RUNDC1: variants seen among roughly 807,000 people sequenced by gnomAD.
The protein encoded by RUNDC1 is RUN domain containing 1, also known as RUN domain-containing protein 1.
In RUNDC1, 31 loss-of-function variants were observed where a neutral mutation model predicts 49.3. That is an observed-to-expected ratio of 0.63 (90% CI 0.47 to 0.85). The LOEUF is 0.85. Among genes scored for constraint, RUNDC1 ranks in the 40% least tolerant of loss-of-function variants. RUNDC1 has a pLI of 0.00. For missense variants in RUNDC1, 715 were observed against 806.7 expected (o/e 0.89, Z 1.38); for synonymous variants, 347 against 348.6 (o/e 1.00, Z 0.05).
intron 1 of RUNDC1, 179 bp downstream of exon 1, chr17:42,981,253 C>T: frequency 1.3e-6 from 1 of 750,192 alleles, no homozygotes; most frequent in Non-Finnish European, 2.0e-6. Context: ...AGGACAGAGG[C>T]CTGGGAACCT....
Position 42,987,393 on chromosome 17 carries a change from C to T in RUNDC1, c.636C>T (p.Ser212=), listed in dbSNP as rs757378446. The part of the protein sequence containing the change: ...QEGSYDSLPQ[S]VVLERQRVII... Reference sequence around the variant, plus strand: ...GCAGTTATGACTCGCTGCCACAGTCCGTGGTGTTGGAAAGACAGCGGGTGA... The same window carrying T: ...GCAGTTATGACTCGCTGCCACAGTCTGTGGTGTTGGAAAGACAGCGGGTGA... The change falls in exon 2 of 5, where the codon TCC becomes TCT. Residue 212 remains serine, a synonymous_variant. Transcript: ENST00000361677. The T allele has an allele frequency of 1.7e-5, 27 of 1,614,130 alleles. No individual in the cohort carries two copies. Among genetic ancestry groups the T allele is most frequent in the Middle Eastern group, 1.6e-4 (1 of 6,062 alleles).
In RUNDC1 at chr17:42,992,110, G is replaced by T. The variant is rs1341088958; in HGVS notation, c.*394G>T. On this transcript the variant is annotated 3_prime_UTR_variant, in exon 5 of 5. Transcript: ENST00000361677. The stretch of plus-strand genomic sequence containing the variant: ...GGCACCTGTAGTCCCAGCTACTCGG[G>T]AGGCTGAGGCAGGAGAATGGCGTGA... 5.4e-6 allele frequency: 1 copy of T among 186,098 alleles called. No individual in the cohort carries two copies. The highest frequency in any genetic ancestry group is 1.5e-4 in the East Asian group (1 of 6,806). 11.5% of individuals were successfully genotyped at this position (186,098 alleles called of 1,614,324 possible).
Position 42,989,325 on chromosome 17 carries a change from C to G in RUNDC1, c.658-16C>G. On this transcript the variant is annotated splice_polypyrimidine_tract_variant and intron_variant, in intron 2 of 4. Transcript: ENST00000361677. ...AAAATTCCAAAGGGTGTGCTCATTG[C>G]TTGTGATCTTGGTAGGTGATCATAG... 1 of 1,607,194 alleles carries G rather than the reference C, an allele frequency of 6.2e-7. No homozygotes were observed. The highest frequency in any genetic ancestry group is 8.5e-7 in the Non-Finnish European group (1 of 1,174,532).
Position 42,980,801 on chromosome 17 carries a change from G to A in RUNDC1, c.225G>A (p.Ser75=), listed in dbSNP as rs1180272141. The change falls in exon 1 of 5, where the codon TCG becomes TCA. Residue 75 remains serine, a synonymous_variant. Transcript: ENST00000361677. ...PGAAPGSPPD[S]PGRTLRRLRA... The stretch of plus-strand genomic sequence containing the variant: ...CGGCCCCGGGCTCCCCGCCGGATTC[G>A]CCGGGCCGGACGCTGCGGCGGCTGC... 4 of 1,392,040 alleles carry A rather than the reference G, an allele frequency of 2.9e-6. No individual in the cohort carries two copies. The highest frequency in any genetic ancestry group is 3.7e-6 in the Non-Finnish European group (4 of 1,084,926). 86.2% of individuals were successfully genotyped at this position (1,392,040 alleles called of 1,614,324 possible). A position where few individuals can be genotyped will look rare whatever the true frequency, so the allele number is the denominator to read the frequency against.
intron 2 of RUNDC1, among the ~76,000 whole-genome samples, chr17:42,988,543 G>A (rs921711532): frequency 4.6e-5 from 7 of 152,114 alleles, no homozygotes; most frequent in Non-Finnish European, 1.0e-4. Context: ...GTGAGCCACC[G>A]CACCCAGCCT....
intron 1 of RUNDC1, among the ~76,000 whole-genome samples, chr17:42,986,221 C>G (rs1436545889): frequency 6.6e-6 from 1 of 152,022 alleles, no homozygotes; most frequent in Admixed American, 6.6e-5. Context: ...TTAAGCAATC[C>G]TCCCGCCTCG....
Position 42,991,410 on chromosome 17 carries a change from C to T in RUNDC1, c.1536C>T (p.Pro512=). Residue 512 remains proline, a synonymous_variant, in exon 5 of 5, where the codon CCC becomes CCT. Coordinates refer to ENST00000361677, the MANE Select transcript of RUNDC1 (RefSeq NM_173079.5). ...TTACGGGAGGCACTGTTGTCACCCC[C>T]AAACAGAGCCTACTGACAGCCATCC... ...LPVTGGTVVT[P]KQSLLTAIHM... 3 of 1,614,228 alleles carry T rather than the reference C, an allele frequency of 1.9e-6. No individual in the cohort carries two copies. Among genetic ancestry groups the T allele is most frequent in the African/African-American group, 1.3e-5 (1 of 75,068 alleles).
At chr17:42,981,212 G>C in intron 1 of RUNDC1, 138 bp downstream of exon 1, 1 of 1,194,698 alleles carries the variant, frequency 8.4e-7, no homozygotes, top group Non-Finnish European at 1.1e-6. Context: ...GAGACCAGGG[G>C]ACTGGAGTGC....
intron 1 of RUNDC1, among the ~76,000 whole-genome samples, chr17:42,986,418 G>A (rs554749403): frequency 5.9e-5 from 9 of 152,216 alleles, no homozygotes; most frequent in Non-Finnish European, 4.4e-5. Context: ...CTCCTGGTGC[G>A]TTTGATTCTT....
chr17:42,991,709 C>T lies in RUNDC1; in HGVS notation c.1835C>T (p.Ala612Val). Residue 612 changes from alanine (A) to valine (V), a missense_variant, in exon 5 of 5, where the codon GCC (alanine) becomes GTC (valine). Physicochemically the swap from Ala to Val is moderately conservative, Grantham distance 64 (BLOSUM62 0). Transcript: ENST00000361677. ...AVRQLKNIKD[A>V]F is the part of the protein sequence containing the mutation. ...CGCCAGCTCAAAAACATCAAAGATG[C>T]CTTTTGATGAGAGTGCCCTAACCCC... 1 of 1,610,050 alleles carries T rather than the reference C, an allele frequency of 6.2e-7. No individual in the cohort carries two copies. The highest frequency in any genetic ancestry group is 8.5e-7 in the Non-Finnish European group (1 of 1,178,172).
chr17:42,990,212 TTG>T, intron 3 of RUNDC1, 103 bp from the exon 4 acceptor site: 1 of 1,445,350 alleles, frequency 6.9e-7, no homozygotes, highest in Non-Finnish European at 9.3e-7. Flanking sequence ...GGACAAGAGT[TTG>T]TGAAATTCTT....
At position 42,980,596 on chromosome 17, in the gene RUNDC1, C is replaced by T. The variant is rs1278647266; in HGVS notation, c.20C>T (p.Ala7Val). 3.1e-6 allele frequency: 5 copies of T among 1,609,516 alleles called. No homozygotes were observed. Among genetic ancestry groups the T allele is most frequent in the African/African-American group, 1.3e-5 (1 of 74,816 alleles). The change falls in exon 1 of 5, where the codon GCT (alanine) becomes GTT (valine). Residue 7 changes from alanine to valine, a missense_variant. Around this residue, in one of 5 missense-constraint regions of RUNDC1, gnomAD observed 153 missense variants for 139.4 expected, o/e 1.10. Coordinates refer to ENST00000361677, the MANE Select transcript of RUNDC1 (RefSeq NM_173079.5). ...GGGAAGATGGCGGCTGTCGAAGCGG[C>T]TGCAGAGCCGGTAACGGTGGTGGCG... MAAVEA[A>V]AEPVTVVAAV... is the part of the protein sequence containing the mutation.
intron 2 of RUNDC1, among the ~76,000 whole-genome samples, chr17:42,988,887 G>C (rs143124791): frequency 3.3e-5 from 5 of 152,246 alleles, no homozygotes; most frequent in African/African-American, 1.2e-4. Context: ...CGAGGCAGAA[G>C]GATTGCTTGA....
In RUNDC1 at chr17:42,981,047, C is replaced by G. The variant is rs1259233124; in HGVS notation, c.471C>G (p.Asp157Glu). 1.9e-6 allele frequency: 3 copies of G among 1,559,422 alleles called. No homozygotes were observed. The highest frequency in any genetic ancestry group is 2.7e-5 in the African/African-American group (2 of 73,068). ...ATGAGGGCGATGGGCTGCCAGGGGA[C>G]CGGCCATGGTTGCGGGGCGAGGACC... Reference protein sequence around the residue: ...ASDEGDGLPGDRPWLRGEDQS... With the variant: ...ASDEGDGLPGERPWLRGEDQS... The change falls in exon 1 of 5, where the codon GAC (aspartate) becomes GAG (glutamate). Residue 157 changes from aspartate to glutamate, a missense_variant. By Grantham distance (45) the Asp-to-Glu change is conservative. Coordinates refer to ENST00000361677, the MANE Select transcript of RUNDC1 (RefSeq NM_173079.5).
At chr17:42,990,485 T>C in intron 4 of RUNDC1, 49 bp downstream of exon 4, 9 of 1,590,176 alleles carry the variant, frequency 5.7e-6, no homozygotes, top group Non-Finnish European at 7.8e-6. Flanking sequence ...AGAAAGTAGA[T>C]GAGTGGTTGC....
At position 42,991,675 on chromosome 17, in the gene RUNDC1, C is replaced by G. The variant is rs780741452; in HGVS notation, c.1801C>G (p.Leu601Val). 1 of 1,613,782 alleles carries G rather than the reference C, an allele frequency of 6.2e-7. No homozygotes were observed. Among genetic ancestry groups the G allele is most frequent in the Non-Finnish European group, 8.5e-7 (1 of 1,179,904 alleles). The change falls in exon 5 of 5, where the codon CTG becomes GTG. Residue 601 changes from leucine (L) to valine (V), a missense_variant. This residue lies in a region of RUNDC1 where 425 missense variants were observed against 499.7 expected (regional missense o/e 0.85). Coordinates refer to ENST00000361677, the MANE Select transcript of RUNDC1 (RefSeq NM_173079.5). Reference protein sequence around the residue: ...SSLKFSLPVDLAVRQLKNIKD... With the variant: ...SSLKFSLPVDVAVRQLKNIKD... ...CCTCAAGTTTAGCCTCCCTGTAGATCTGGCTGTGCGCCAGCTCAAAAACAT... is the reference window on the plus strand; with the variant it reads ...CCTCAAGTTTAGCCTCCCTGTAGATGTGGCTGTGCGCCAGCTCAAAAACAT...
Position 42,985,845 on chromosome 17 carries a change from G to A in RUNDC1, c.499-1411G>A, listed in dbSNP as rs1055772. On this transcript the variant is annotated intron_variant, in intron 1 of 4. Coordinates refer to ENST00000361677, the MANE Select transcript of RUNDC1 (RefSeq NM_173079.5). ...CTGAAGCATTTTTATTAGTTGAAAT[G>A]CAGAAACTACTGGTGGCCAACAGTT... 3.9e-3 allele frequency among the ~76,000 whole-genome samples: 591 copies of A among 152,244 alleles called. 4 individuals are homozygous for A. The highest frequency in any genetic ancestry group is 0.013 in the African/African-American group (550 of 41,532).
At chr17:42,985,183 G>A (rs545515797) in intron 1 of RUNDC1, among the ~76,000 whole-genome samples, 2 of 152,036 alleles carry the variant, frequency 1.3e-5, no homozygotes, top group African/African-American at 4.8e-5. Flanking sequence ...CACTGCGTTC[G>A]GCCATACTTT....
intron 2 of RUNDC1, 113 bp from the exon 3 acceptor site, chr17:42,989,228 T>G: frequency 1.4e-6 from 1 of 734,808 alleles, no homozygotes; most frequent in Non-Finnish European, 2.3e-6. Context: ...TTCACAAATT[T>G]AGAGGTCTGT....
Sources: gnomAD v4.1 joint callset for allele counts (sites outside exome capture counted in the v4.1 genomes callset) on GRCh38, gnomAD v4.1.1 for gene constraint, gnomAD v4.1.1 regional missense constraint, MANE v1.5 for transcripts, NCBI Gene and HGNC (gene_info 2026-07-23, HGNC 2026-07-21) for gene names.